Variants in BSN observed in about 807,000 individuals in gnomAD.
BSN encodes the protein bassoon presynaptic cytomatrix protein.
A neutral mutation model predicts 264.8 loss-of-function variants in BSN; 57 were observed. That is an observed-to-expected ratio of 0.22 (90% CI 0.17 to 0.27). BSN has a LOEUF of 0.27. BSN is among the 10% of genes least tolerant of loss of function. The pLI is 1.00. For synonymous variants in BSN, 2,059 were observed against 2,137.3 expected (o/e 0.96, Z 1.01); for missense variants, 4,615 against 5,232.5 (o/e 0.88, Z 3.64).
At chr3:49,634,866 AACACAT>A (rs756530878) in intron 2 of BSN, among the ~76,000 whole-genome samples, 2 of 152,174 alleles carry the variant, frequency 1.3e-5, no homozygotes, top group South Asian at 2.1e-4. Context: ...ACACTAAAAC[AACACAT>A]ACACATACAC....
chr3:49,663,574 A>G lies in BSN; in HGVS notation c.11416A>G (p.Thr3806Ala), dbSNP rs1425913675. The G allele has an allele frequency of 6.2e-7, 1 of 1,606,086 alleles. No individual in the cohort carries two copies. The highest frequency in any genetic ancestry group is 1.7e-5 in the Admixed American group (1 of 58,720). The change falls in exon 7 of 12, where the codon ACC (threonine) becomes GCC (alanine). Residue 3806 changes from threonine to alanine, a missense_variant. By Grantham distance (58) the Thr-to-Ala change is moderately conservative (BLOSUM62 0). This residue lies in a region of BSN where 3,415 missense variants were observed against 3,866.4 expected (regional missense o/e 0.88). Coordinates refer to ENST00000296452, the MANE Select transcript of BSN (RefSeq NM_003458.4). ...TCGGCTGCAGCAACAGAGCCAGCCA[A>G]CCACCCGGGGCTCAGCCCCTGCTGC... ...QARLQQQSQP[T>A]TRGSAPAASQ...
chr3:49,563,600 T>C (rs1210760231), intron 1 of BSN, among the ~76,000 whole-genome samples: 1 of 152,256 alleles, frequency 6.6e-6, no homozygotes, highest in Non-Finnish European at 1.5e-5. Flanking sequence ...CTTCTGCAGC[T>C]GTGTGGGTTC....
chr3:49,612,352 G>T (rs775910205), intron 1 of BSN, among the ~76,000 whole-genome samples: 110 of 152,280 alleles, frequency 7.2e-4, no homozygotes, highest in Admixed American at 2.4e-3. Context: ...AGCCAGGATG[G>T]TCTCGATCTC....
intron 1 of BSN, among the ~76,000 whole-genome samples, chr3:49,557,508 G>A (rs1174250694): frequency 2.0e-5 from 3 of 151,564 alleles, no homozygotes; most frequent in Admixed American, 6.6e-5. Flanking sequence ...ATAATTACAC[G>A]AAGGAGCCAT....
At chr3:49,580,978 C>CTTTTTTT (rs71080537) in intron 1 of BSN, among the ~76,000 whole-genome samples, 3 of 143,868 alleles carry the variant, frequency 2.1e-5, no homozygotes, top group Non-Finnish European at 1.5e-5. Flanking sequence ...CGCCTGTTAA[C>CTTTTTTT]TTTTTTTTTT....
intron 1 of BSN, among the ~76,000 whole-genome samples, chr3:49,563,872 T>G (rs1176516389): frequency 6.6e-6 from 1 of 152,198 alleles, no homozygotes; most frequent in Non-Finnish European, 1.5e-5. Flanking sequence ...AGAGTTCTTT[T>G]TTCCTGTTTG....
In BSN at chr3:49,651,794, CA is replaced by C; in HGVS notation, c.2240del (p.Lys747SerfsTer64). 1 of 1,604,872 alleles carries C rather than the reference CA, an allele frequency of 6.2e-7. No homozygotes were observed. ...AGGGCCTGGCCCCAAGTGAGCGGAGCAAGCCACTCTCCAGCGGTACTGGCGA... is the reference window on the plus strand; with the variant it reads ...AGGGCCTGGCCCCAAGTGAGCGGAGCAGCCACTCTCCAGCGGTACTGGCGA... ...AQGLAPSERS[K>X]PLSSGTGEEQ... On this transcript the variant is annotated frameshift_variant, in exon 5 of 12. Transcript: ENST00000296452. LOFTEE classifies it high-confidence loss of function. The surrounding 1 kb of genome is among the most constrained non-coding windows in gnomAD (Gnocchi z 5.4).
intron 2 of BSN, among the ~76,000 whole-genome samples, chr3:49,629,676 A>G (rs1049136288): frequency 2.0e-5 from 3 of 152,184 alleles, no homozygotes; most frequent in Admixed American, 2.0e-4. Context: ...CTCCAGTCTG[A>G]TCAGCTGAAT....
chr3:49,647,980 A>G (rs899319823), intron 3 of BSN, among the ~76,000 whole-genome samples: 1 of 152,216 alleles, frequency 6.6e-6, no homozygotes, highest in East Asian at 1.9e-4. Flanking sequence ...ACTGCCTACT[A>G]TAGCAGAGCC....
Position 49,661,601 on chromosome 3 carries a change from A to G in BSN, c.9756A>G (p.Gln3252=). 6.2e-7 allele frequency: 1 copy of G among 1,613,758 alleles called. No individual in the cohort carries two copies. Among genetic ancestry groups the G allele is most frequent in the Non-Finnish European group, 8.5e-7 (1 of 1,180,034 alleles). The part of the protein sequence containing the change: ...KDSTSTAPDS[Q]RLEPLGPGSS... ...GCACCTCTACTGCTCCTGATAGCCAACGGCTGGAGCCCCTGGGGCCAGGCA... is the reference window on the plus strand; with the variant it reads ...GCACCTCTACTGCTCCTGATAGCCAGCGGCTGGAGCCCCTGGGGCCAGGCA... Residue 3252 remains glutamine, a synonymous_variant, in exon 6 of 12, where the codon CAA becomes CAG. Transcript: ENST00000296452.
rs148674638 is a variant in BSN at position 49,656,797 on chromosome 3, G to A, written c.7241G>A (p.Arg2414Gln). 3,432 of 1,590,434 alleles carry A rather than the reference G, an allele frequency of 2.2e-3. 9 individuals carry two copies. Among genetic ancestry groups the A allele is most frequent in the Non-Finnish European group, 2.4e-3 (2,799 of 1,169,080 alleles). Residue 2414 changes from arginine to glutamine, a missense_variant, in exon 5 of 12, where the codon CGG becomes CAG. Transcript: ENST00000296452. ...HREEEQLLVQ[R>Q]ELQELQTIKH... Reference sequence around the variant, plus strand: ...GAGGAGGAGCAGCTGCTGGTGCAGCGGGAGTTGCAGGAGCTGCAGACCATC... The same window carrying A: ...GAGGAGGAGCAGCTGCTGGTGCAGCAGGAGTTGCAGGAGCTGCAGACCATC...
chr3:49,671,705 C>T (rs1028691276), downstream of BSN, among the ~76,000 whole-genome samples: 2 of 152,230 alleles, frequency 1.3e-5, no homozygotes, highest in Non-Finnish European at 2.9e-5. The surrounding 1 kb of genome is among the most constrained non-coding windows in gnomAD (Gnocchi z 4.1). Flanking sequence ...ACCAAGCCAT[C>T]CAAAGACAAT....
chr3:49,609,897 C>T (rs1422101797), intron 1 of BSN, among the ~76,000 whole-genome samples: 1 of 152,142 alleles, frequency 6.6e-6, no homozygotes, highest in Non-Finnish European at 1.5e-5. Flanking sequence ...TGTTCTATGC[C>T]CAGTGTGCCA....
chr3:49,590,879 G>A (rs1372470453), intron 1 of BSN, among the ~76,000 whole-genome samples: 1 of 152,022 alleles, frequency 6.6e-6, no homozygotes, highest in Non-Finnish European at 1.5e-5. Context: ...GCCGAGGTGG[G>A]TGGGTCACTT....
chr3:49,573,110 G>A (rs1171451245), intron 1 of BSN, among the ~76,000 whole-genome samples: 1 of 152,214 alleles, frequency 6.6e-6, no homozygotes, highest in East Asian at 1.9e-4. Context: ...CCTAATGGGA[G>A]AGACTAACTT....
At chr3:49,644,532 G>A (rs1036823011) in intron 3 of BSN, among the ~76,000 whole-genome samples, 2 of 152,154 alleles carry the variant, frequency 1.3e-5, no homozygotes, top group East Asian at 1.9e-4. Flanking sequence ...TAGGCACCAC[G>A]AAGCCAACTC....
chr3:49,628,360 T>G (rs1377002823), intron 2 of BSN, among the ~76,000 whole-genome samples: 1 of 152,162 alleles, frequency 6.6e-6, no homozygotes, highest in East Asian at 1.9e-4. Context: ...TGTTTTTGTT[T>G]TTGTGTATGA....
intron 1 of BSN, among the ~76,000 whole-genome samples, chr3:49,581,502 T>C (rs1339490082): frequency 2.6e-5 from 4 of 152,198 alleles, no homozygotes; most frequent in African/African-American, 9.7e-5. Context: ...CTAATTTATA[T>C]ATTAAACTTC....
At chr3:49,673,087 C>CTTTTTT (rs71080543), downstream of BSN, among the ~76,000 whole-genome samples, 512 of 43,168 alleles carry the variant, frequency 0.012, 110 homozygotes, top group African/African-American at 0.03. Context: ...CCGGCCGGGA[C>CTTTTTT]TTTTTTTTTT....
Sources: gnomAD v4.1 joint callset for allele counts (sites outside exome capture counted in the v4.1 genomes callset) on GRCh38, gnomAD v4.1.1 for gene constraint, gnomAD v4.1.1 regional missense constraint, Gnocchi (gnomAD v3.1) non-coding constraint, MANE v1.5 for transcripts, NCBI Gene and HGNC (gene_info 2026-07-23, HGNC 2026-07-21) for gene names.